The following ANKRD33B variants were observed in gnomAD, a reference collection of about 807,000 sequenced individuals.
ANKRD33B encodes ankyrin repeat domain-containing protein 33B.
ANKRD33B carries 6 observed loss-of-function variants against 21.5 expected under a neutral mutation model. The ratio of observed to expected loss-of-function variants is 0.28; its 90% CI spans 0.15 to 0.55. The LOEUF (loss-of-function observed/expected upper bound fraction) is 0.55, where lower values mean the gene tolerates loss of function less well. Ranked by LOEUF, ANKRD33B falls within the 20% of genes least tolerant of loss-of-function variation. The pLI is 0.94. For synonymous variants in ANKRD33B, 347 were observed against 342.4 expected (o/e 1.01, Z -0.15); for missense variants, 698 against 747.2 (o/e 0.93, Z 0.77).
intron 1 of ANKRD33B, among the ~76,000 whole-genome samples, chr5:10,615,709 A>T (rs1466976171): frequency 3.3e-5 from 5 of 152,242 alleles, no homozygotes; most frequent in African/African-American, 1.2e-4. Context: ...GTGTAATTAT[A>T]TGCAAAGGAA....
intron 1 of ANKRD33B, among the ~76,000 whole-genome samples, chr5:10,565,204 C>G (rs1198507814): frequency 6.6e-6 from 1 of 152,216 alleles, no homozygotes; most frequent in African/African-American, 2.4e-5. Flanking sequence ...CTGACTATTA[C>G]CTTTCCCCAG....
chr5:10,631,433 C>T (rs374116336), intron 2 of ANKRD33B, among the ~76,000 whole-genome samples: 84 of 152,192 alleles, frequency 5.5e-4, no homozygotes, highest in African/African-American at 1.7e-3. Context: ...GAATCCCCTG[C>T]GTTTTCAATA....
chr5:10,619,320 G>A lies in ANKRD33B; in HGVS notation c.496+858G>A, dbSNP rs1736359782. The A allele has an allele frequency of 5.7e-5, 56 of 985,416 alleles. No homozygotes were observed. The highest frequency in any genetic ancestry group is 6.6e-5 in the Non-Finnish European group (55 of 829,924). The allele number at this position is 985,416 out of a possible 1,614,324, so 61.0% of individuals were successfully genotyped here. On this transcript the variant is annotated intron_variant, in intron 2 of 3. Coordinates refer to ENST00000296657, the MANE Select transcript of ANKRD33B (RefSeq NM_001164440.2). This position sits in a 1 kb window ranked among gnomAD's most constrained non-coding sequence, Gnocchi z 4.5. ...AGGAGGGGAAGCTTACACGGTTGTC[G>A]GGTTGTTGAGAATCCCACTCAGGGC...
At position 10,649,650 on chromosome 5, in the gene ANKRD33B, C is replaced by T. The variant is rs776328258; in HGVS notation, c.1022C>T (p.Ala341Val). The T allele has an allele frequency of 2.6e-6, 4 of 1,530,650 alleles. No individual in the cohort carries two copies. The highest frequency in any genetic ancestry group is 1.2e-5 in the South Asian group (1 of 83,736). The allele number at this position is 1,530,650 out of a possible 1,614,324, so 94.8% of individuals were successfully genotyped here. ...CCGAGCGTGGGGAAGAGGCGGCTGGCGGTGCAGGAGATCCTGGCGGCGCGG... is the reference window on the plus strand; with the variant it reads ...CCGAGCGTGGGGAAGAGGCGGCTGGTGGTGCAGGAGATCCTGGCGGCGCGG... ...SPPSVGKRRL[A>V]VQEILAARAA... The change falls in exon 4 of 4, where the codon GCG (alanine) becomes GTG (valine). Residue 341 changes from alanine (A) to valine (V), a missense_variant. Physicochemically the swap from Ala to Val is moderately conservative, Grantham distance 64 (BLOSUM62 0). Coordinates refer to ENST00000296657, the MANE Select transcript of ANKRD33B (RefSeq NM_001164440.2).
intron 1 of ANKRD33B, among the ~76,000 whole-genome samples, chr5:10,603,998 G>A (rs1395113216): frequency 2.0e-5 from 3 of 150,894 alleles, no homozygotes; most frequent in Non-Finnish European, 4.4e-5. Context: ...GGGTTCAAGC[G>A]ATTCTCCTGC....
chr5:10,604,002 C>T (rs1325340651), intron 1 of ANKRD33B, among the ~76,000 whole-genome samples: 2 of 150,718 alleles, frequency 1.3e-5, no homozygotes, highest in African/African-American at 4.9e-5. Flanking sequence ...TCAAGCGATT[C>T]TCCTGCCTCA....
rs144912327 is a variant in ANKRD33B at position 10,645,452 on chromosome 5, AT to A, written c.638-3805del. Among the ~76,000 whole-genome samples, 10 of 151,864 alleles carry A rather than the reference AT, an allele frequency of 6.6e-5. No individual in the cohort carries two copies. In the South Asian group the frequency reaches 1.0e-3, roughly 16 times the overall value. On this transcript the variant is annotated intron_variant, in intron 3 of 3. Transcript: ENST00000296657. ...TGAGAATGAGTGATGGAAAGTATAGATTTTTTTTTCCCATTAGCACCTGTTT... is the reference window on the plus strand; with the variant it reads ...TGAGAATGAGTGATGGAAAGTATAGATTTTTTTTCCCATTAGCACCTGTTT...
At chr5:10,601,941 G>A (rs529000386) in intron 1 of ANKRD33B, among the ~76,000 whole-genome samples, 3 of 152,350 alleles carry the variant, frequency 2.0e-5, no homozygotes, top group African/African-American at 7.2e-5. Context: ...GTGCACATGA[G>A]AACAAGACCA....
intron 1 of ANKRD33B, among the ~76,000 whole-genome samples, chr5:10,603,975 A>G (rs1579728381): frequency 6.6e-6 from 1 of 151,158 alleles, no homozygotes; most frequent in South Asian, 2.1e-4. Context: ...GCTCACTATA[A>G]CCTCTGCCTC....
At chr5:10,609,429 A>G (rs1365033385) in intron 1 of ANKRD33B, among the ~76,000 whole-genome samples, 5 of 152,068 alleles carry the variant, frequency 3.3e-5, no homozygotes, top group Non-Finnish European at 7.4e-5. Flanking sequence ...GTGCTCACCC[A>G]TAGTCCCAGC....
chr5:10,622,593 T>A (rs1378066197), intron 2 of ANKRD33B, among the ~76,000 whole-genome samples: 1 of 152,342 alleles, frequency 6.6e-6, no homozygotes, highest in East Asian at 1.9e-4. Context: ...TCTAAGAATA[T>A]GGATTGTTAA....
chr5:10,601,340 T>C (rs1216675783), intron 1 of ANKRD33B, among the ~76,000 whole-genome samples: 1 of 152,004 alleles, frequency 6.6e-6, no homozygotes, highest in Non-Finnish European at 1.5e-5. Context: ...GACCCAGAAT[T>C]CCCCACTCGT....
chr5:10,639,089 C>T (rs577039676), intron 3 of ANKRD33B, among the ~76,000 whole-genome samples: 1 of 54,810 alleles, frequency 1.8e-5, no homozygotes, highest in African/African-American at 6.1e-5. Context: ...CGGAGTTGCG[C>T]GGCGATGTTA....
At chr5:10,575,591 G>A (rs1299627697) in intron 1 of ANKRD33B, among the ~76,000 whole-genome samples, 3 of 152,100 alleles carry the variant, frequency 2.0e-5, no homozygotes, top group Non-Finnish European at 2.9e-5. Context: ...CTTTCTGTAG[G>A]TTCCCAGAGC....
intron 1 of ANKRD33B, among the ~76,000 whole-genome samples, chr5:10,578,789 A>G (rs1442977421): frequency 6.6e-6 from 1 of 152,144 alleles, no homozygotes; most frequent in African/African-American, 2.4e-5. Context: ...AATTTTGAAA[A>G]ACCCCAAACC....
rs183367169 is a variant in ANKRD33B at position 10,633,781 on chromosome 5, C to T, written c.497-4247C>T. Reference sequence around the variant, plus strand: ...ATTGCAGAATGTTCCTTAATTTGGACGTGCCTGATGCTTTTCTTGTGATGA... The same window carrying T: ...ATTGCAGAATGTTCCTTAATTTGGATGTGCCTGATGCTTTTCTTGTGATGA... On this transcript the variant is annotated intron_variant, in intron 2 of 3. Coordinates refer to ENST00000296657, the MANE Select transcript of ANKRD33B (RefSeq NM_001164440.2). Among the ~76,000 whole-genome samples, 193 of 152,198 alleles carry T rather than the reference C, an allele frequency of 1.3e-3. 1 individual carries two copies. Among genetic ancestry groups the T allele is most frequent in the African/African-American group, 4.3e-3 (179 of 41,514 alleles).
intron 2 of ANKRD33B, among the ~76,000 whole-genome samples, chr5:10,636,684 G>A (rs1379627456): frequency 1.3e-5 from 2 of 152,172 alleles, no homozygotes; most frequent in African/African-American, 4.8e-5. Flanking sequence ...GGAGAGACTC[G>A]GGCAGATTGC....
At chr5:10,621,154 G>GTTT (rs779285237) in intron 2 of ANKRD33B, among the ~76,000 whole-genome samples, 22 of 152,220 alleles carry the variant, frequency 1.4e-4, no homozygotes, top group Admixed American at 7.2e-4. Context: ...ATTTCTGTCA[G>GTTT]TTTTGAGTAT....
intron 1 of ANKRD33B, among the ~76,000 whole-genome samples, chr5:10,590,305 A>G (rs943690712): frequency 3.9e-5 from 6 of 152,338 alleles, no homozygotes; most frequent in African/African-American, 1.4e-4. Context: ...AGATTGTGTT[A>G]TCTTGTCCAG....
Sources: gnomAD v4.1 joint callset for allele counts (sites outside exome capture counted in the v4.1 genomes callset) on GRCh38, gnomAD v4.1.1 for gene constraint, Gnocchi (gnomAD v3.1) non-coding constraint, MANE v1.5 for transcripts, NCBI Gene and HGNC (gene_info 2026-07-23, HGNC 2026-07-21) for gene names.